SLC44A5: variants seen among roughly 807,000 people sequenced by gnomAD.
SLC44A5 encodes the protein solute carrier family 44 member 5.
A neutral mutation model predicts 101.8 loss-of-function variants in SLC44A5; 57 were observed. The observed-to-expected ratio is 0.56, with a 90% CI of 0.45 to 0.70. SLC44A5 has a LOEUF of 0.70. Ranked by LOEUF, SLC44A5 falls within the 30% of genes least tolerant of loss-of-function variation. The pLI is 0.00. For synonymous variants in SLC44A5, 281 were observed against 290.9 expected, an observed-to-expected ratio of 0.97 and a Z score of 0.35; for missense variants, 737 against 853.1, an observed-to-expected ratio of 0.86 and a Z score of 1.70.
intron 2 of SLC44A5, among the ~76,000 whole-genome samples, chr1:75,459,078 G>A (rs79763733): frequency 0.23 from 35,591 of 151,908 alleles, 4,290 homozygotes; most frequent in African/African-American, 0.27. Context: ...ATAGTGCCCC[G>A]GAGAAATCAC....
chr1:75,650,089 G>A, the SLC44A5 span, among the ~76,000 whole-genome samples: 1 of 152,022 alleles, frequency 6.6e-6, no homozygotes, highest in South Asian at 2.1e-4. Context: ...ACTTTAGGGA[G>A]TATGAGTACA....
Position 75,388,713 on chromosome 1 carries a change from A to G in SLC44A5, c.52+7870T>C, listed in dbSNP as rs192533015. Among the ~76,000 whole-genome samples, 607 of 151,870 alleles carry G rather than the reference A, an allele frequency of 4.0e-3. 11 individuals are homozygous for G. Among genetic ancestry groups the G allele is most frequent in the Non-Finnish European group, 8.8e-4 (60 of 67,934 alleles). On this transcript the variant is annotated intron_variant, in intron 3 of 23. Coordinates refer to ENST00000370859, the MANE Select transcript of SLC44A5 (RefSeq NM_001130058.2). Reference sequence around the variant, plus strand: ...AGAATGGCATGAACCCGGGAGGCAGAGCTTGCAGTGAGCCGAGATCGCTCC... The same window carrying G: ...AGAATGGCATGAACCCGGGAGGCAGGGCTTGCAGTGAGCCGAGATCGCTCC...
At chr1:75,482,559 T>C (rs141307986) in intron 2 of SLC44A5, among the ~76,000 whole-genome samples, 93 of 152,302 alleles carry the variant, frequency 6.1e-4, no homozygotes, top group Non-Finnish European at 1.2e-3. Context: ...CAACAGTCTC[T>C]GATGTTTCAG....
chr1:75,388,247 CAG>C (rs1661530157), intron 3 of SLC44A5, among the ~76,000 whole-genome samples: 1 of 114,198 alleles, frequency 8.8e-6, no homozygotes, highest in Non-Finnish European at 1.8e-5. Context: ...CAAAAAAAAA[CAG>C]TATTAAAAAA....
chr1:75,600,043 C>A (rs772364417), intron 1 of SLC44A5, among the ~76,000 whole-genome samples: 1 of 151,994 alleles, frequency 6.6e-6, no homozygotes, highest in Non-Finnish European at 1.5e-5. Context: ...AAAGCTAGGT[C>A]GAAAGCAAGG....
intron 2 of SLC44A5, among the ~76,000 whole-genome samples, chr1:75,508,549 T>C (rs1669392144): frequency 6.6e-6 from 1 of 151,872 alleles, no homozygotes; most frequent in African/African-American, 2.4e-5. Flanking sequence ...ATATAATTAA[T>C]AAAATCAAAA....
intron 2 of SLC44A5, among the ~76,000 whole-genome samples, chr1:75,498,571 G>GT (rs144615968): frequency 6.6e-6 from 1 of 151,918 alleles, no homozygotes; most frequent in Middle Eastern, 3.4e-3. Context: ...TGCTAATCCA[G>GT]TTTTTTTTAA....
In SLC44A5 at chr1:75,219,264, T is replaced by G; in HGVS notation, c.1259A>C (p.Asp420Ala). 1 of 1,605,822 alleles carries G rather than the reference T, an allele frequency of 6.2e-7. No individual in the cohort carries two copies. Among genetic ancestry groups the G allele is most frequent in the Non-Finnish European group, 8.5e-7 (1 of 1,172,574 alleles). Residue 420 changes from aspartate (D) to alanine (A), a missense_variant, in exon 16 of 24, where the codon GAC (aspartate) becomes GCC (alanine). Physicochemically the swap from Asp to Ala is moderately radical, Grantham distance 126. Around this residue, in one of 3 missense-constraint regions of SLC44A5, gnomAD observed 665 missense variants for 764.4 expected, o/e 0.87. Coordinates refer to ENST00000370859, the MANE Select transcript of SLC44A5 (RefSeq NM_001130058.2). ...GHCIHENQTCDPEIFNTTEIA... is the reference protein window; with the variant it reads ...GHCIHENQTCAPEIFNTTEIA... Reference sequence around the variant, plus strand: ...AGAGTTTCTTGTACTTACCTCTGGGTCACAGGTTTGATTTTCATGTATACA... The same window carrying G: ...AGAGTTTCTTGTACTTACCTCTGGGGCACAGGTTTGATTTTCATGTATACA...
chr1:75,480,844 A>G (rs1667796660), intron 2 of SLC44A5, among the ~76,000 whole-genome samples: 1 of 152,200 alleles, frequency 6.6e-6, no homozygotes, highest in South Asian at 2.1e-4. Context: ...TAATATATAG[A>G]TTCAATGCCA....
intron 13 of SLC44A5, among the ~76,000 whole-genome samples, chr1:75,224,308 T>G (rs1443993128): frequency 6.6e-6 from 1 of 152,210 alleles, no homozygotes; most frequent in African/African-American, 2.4e-5. Flanking sequence ...ATGAGTTTGT[T>G]ATTGTTTTAT....
intron 3 of SLC44A5, among the ~76,000 whole-genome samples, chr1:75,395,265 G>C (rs1352725824): frequency 6.6e-6 from 1 of 152,036 alleles, no homozygotes; most frequent in Non-Finnish European, 1.5e-5. Context: ...ACATTATTTT[G>C]ACCCATGATA....
intron 4 of SLC44A5, among the ~76,000 whole-genome samples, chr1:75,331,021 A>G (rs1416528987): frequency 4.0e-5 from 6 of 148,610 alleles, no homozygotes; most frequent in East Asian, 4.0e-4. Flanking sequence ...CTTTTCTCCA[A>G]CTCACTGGGT....
intron 7 of SLC44A5, among the ~76,000 whole-genome samples, chr1:75,245,462 T>C (rs1024109969): frequency 1.3e-5 from 2 of 152,128 alleles, no homozygotes; most frequent in East Asian, 3.9e-4. Context: ...TAGGAGATAC[T>C]TGACAGACAT....
the SLC44A5 span, among the ~76,000 whole-genome samples, chr1:75,676,621 G>A: frequency 9.2e-5 from 14 of 152,132 alleles, no homozygotes; most frequent in Admixed American, 3.3e-4. Context: ...TAGATTGATA[G>A]GTGCAGCAAA....
chr1:75,489,401 C>T (rs1668319064), intron 2 of SLC44A5, among the ~76,000 whole-genome samples: 1 of 152,152 alleles, frequency 6.6e-6, no homozygotes, highest in South Asian at 2.1e-4. Flanking sequence ...AACATAGAGC[C>T]AGCTCTCAGA....
chr1:75,485,219 C>T (rs756088120), intron 2 of SLC44A5, among the ~76,000 whole-genome samples: 4 of 152,238 alleles, frequency 2.6e-5, no homozygotes, highest in Non-Finnish European at 5.9e-5. Context: ...CGCTCTACTT[C>T]CCTTTTAAAC....
chr1:75,652,887 A>G, the SLC44A5 span, among the ~76,000 whole-genome samples: 14,188 of 152,246 alleles, frequency 0.093, 865 homozygotes, highest in East Asian at 0.25. Context: ...TCAAAAATCT[A>G]AGCATGCAAT....
chr1:75,370,386 T>C (rs1299358397), intron 3 of SLC44A5, among the ~76,000 whole-genome samples: 2 of 152,244 alleles, frequency 1.3e-5, no homozygotes, highest in East Asian at 3.8e-4. Flanking sequence ...CCTTAACTAC[T>C]GAGACAGACT....
chr1:75,571,094 A>G (rs1017237266), intron 1 of SLC44A5, among the ~76,000 whole-genome samples: 5 of 152,230 alleles, frequency 3.3e-5, no homozygotes, highest in Non-Finnish European at 5.9e-5. Flanking sequence ...ACAAGCGCTA[A>G]TAATCCAGAG....
Sources: allele counts gnomAD v4.1 joint callset (sites outside exome capture counted in the v4.1 genomes callset), GRCh38; gene constraint gnomAD v4.1.1; regional missense constraint gnomAD v4.1.1; transcripts MANE v1.5; gene names NCBI Gene and HGNC (gene_info 2026-07-23, HGNC 2026-07-21).